Variants in LRRC3B observed in about 807,000 individuals in gnomAD.
LRRC3B encodes the protein leucine-rich repeat-containing protein 3B.
LRRC3B carries 2 observed loss-of-function variants against 12.8 expected under a neutral mutation model. That is an observed-to-expected ratio of 0.16 (90% CI 0.06 to 0.49). The LOEUF (loss-of-function observed/expected upper bound fraction) is 0.49. LRRC3B is among the 20% of genes least tolerant of loss of function. The probability of loss-of-function intolerance (pLI) is 0.96; values close to 1 mark genes in which losing one functional copy is unlikely to be tolerated. For synonymous variants in LRRC3B, 132 were observed against 122.0 expected (o/e 1.08, Z -0.54); for missense variants, 189 against 319.4 (o/e 0.59, Z 3.11).
At chr3:26,636,972 T>TTCTTTCTTTCTTTCTC (rs1559350466) in intron 1 of LRRC3B, among the ~76,000 whole-genome samples, 2 of 76,104 alleles carry the variant, frequency 2.6e-5, no homozygotes, top group African/African-American at 5.0e-5. Flanking sequence ...CTTTCTTTCT[T>TTCTTTCTTTCTTTCTC]TCTCTCTCTC....
chr3:26,653,166 C>T (rs1312757916), intron 1 of LRRC3B, among the ~76,000 whole-genome samples: 1 of 149,726 alleles, frequency 6.7e-6, no homozygotes, highest in Non-Finnish European at 1.5e-5. Context: ...ACAAAAATGA[C>T]TAAAAGACTG....
Position 26,685,515 on chromosome 3 carries a change from C to CTA in LRRC3B, c.-160-23997_-160-23996insAT, listed in dbSNP as rs1700062369. ...TCTCTCTCTCTCTCTCTCTCTCTCT[C>CTA]TCTCTCTCTATATATATATATATAT... On this transcript the variant is annotated intron_variant, in intron 1 of 1. Coordinates refer to ENST00000396641, the Ensembl canonical transcript of LRRC3B. Among the ~76,000 whole-genome samples the CTA allele has an allele frequency of 9.3e-5, 5 of 53,794 alleles. No homozygotes were observed. The Admixed American group carries it at 9.8e-4, about 10-fold the overall frequency. 35.3% of individuals were successfully genotyped at this position (53,794 alleles called of 152,430 possible). A position where few individuals can be genotyped will look rare whatever the true frequency, so the allele number is the denominator to read the frequency against.
Position 26,709,496 on chromosome 3 carries a change from G to C in LRRC3B, c.-160-17G>C. The C allele has an allele frequency of 1.6e-6, 1 of 639,776 alleles. No homozygotes were observed. Among genetic ancestry groups the C allele is most frequent in the Non-Finnish European group, 2.7e-6 (1 of 368,378 alleles). 39.6% of individuals were successfully genotyped at this position (639,776 alleles called of 1,614,324 possible). A position where few individuals can be genotyped will look rare whatever the true frequency, so the allele number is the denominator to read the frequency against. On this transcript the variant is annotated splice_polypyrimidine_tract_variant and intron_variant, in intron 1 of 1. Transcript: ENST00000396641. ...CTTTGCAAAGGAACTAATTGCATCT[G>C]TTTCTCTTTCCTTTAGGTGCCCAAG...
intron 1 of LRRC3B, among the ~76,000 whole-genome samples, chr3:26,635,782 C>T: frequency 6.6e-6 from 1 of 152,126 alleles, no homozygotes; most frequent in Non-Finnish European, 1.5e-5. Context: ...CTGTGTATAC[C>T]ACCAGCCTGG....
chr3:26,707,417 G>GTACTT lies in LRRC3B; in HGVS notation c.-160-2094_-160-2090dup, dbSNP rs1700625780. On this transcript the variant is annotated intron_variant, in intron 1 of 1. Transcript: ENST00000396641. ...AATAAAGCTGATATACAAACTCAGT[G>GTACTT]TACTTTTTATTTTTTTAATTGCTTA... Among the ~76,000 whole-genome samples the GTACTT allele has an allele frequency of 2.6e-5, 4 of 152,080 alleles. No homozygotes were observed. The South Asian group carries it at 8.3e-4, about 32-fold the overall frequency.
At position 26,636,820 on chromosome 3, in the gene LRRC3B, C is replaced by G. The variant is rs1421375741; in HGVS notation, c.-161+13583C>G. ...GTAGTCTTTCTTTCCCTCCCTCCCT[C>G]CCTCCCTCCCTCCCTCCCTGCCTCC... On this transcript the variant is annotated intron_variant, in intron 1 of 1. Coordinates refer to ENST00000396641, the Ensembl canonical transcript of LRRC3B. 1.4e-4 allele frequency among the ~76,000 whole-genome samples: 10 copies of G among 71,940 alleles called. 2 individuals carry two copies. Among genetic ancestry groups the G allele is most frequent in the African/African-American group, 7.3e-4 (9 of 12,298 alleles). The allele number at this position is 71,940 out of a possible 152,430, so 47.2% of individuals were successfully genotyped here.
intron 1 of LRRC3B, among the ~76,000 whole-genome samples, chr3:26,627,311 T>A (rs187570190): frequency 1.6e-3 from 237 of 152,232 alleles, no homozygotes; most frequent in Non-Finnish European, 2.8e-3. Context: ...GGAGGAGGGA[T>A]AGAAGAATCC....
chr3:26,638,310 G>T (rs189116290), intron 1 of LRRC3B, among the ~76,000 whole-genome samples: 33 of 152,152 alleles, frequency 2.2e-4, no homozygotes, highest in Admixed American at 1.9e-3. Context: ...AAAAAAAGTT[G>T]TGACTTTTAT....
chr3:26,635,157 AC>A (rs1366243965), intron 1 of LRRC3B, among the ~76,000 whole-genome samples: 2 of 152,028 alleles, frequency 1.3e-5, no homozygotes, highest in Non-Finnish European at 2.9e-5. Flanking sequence ...GCCTCAAGCC[AC>A]CTGGACCTCA....
At position 26,670,619 on chromosome 3, in the gene LRRC3B, CAAAG is replaced by C. The variant is rs369308883; in HGVS notation, c.-160-38890_-160-38887del. Among the ~76,000 whole-genome samples, 706 of 152,216 alleles carry C rather than the reference CAAAG, an allele frequency of 4.6e-3. 4 individuals carry two copies. The highest frequency in any genetic ancestry group is 0.017 in the African/African-American group (689 of 41,532). On this transcript the variant is annotated intron_variant, in intron 1 of 1. Coordinates refer to ENST00000396641, the Ensembl canonical transcript of LRRC3B. ...ATCAAGGGTTTTATTAAGCTGGAGG[CAAAG>C]AAACATTTGTTTCATTATTGTGGAA...
At chr3:26,647,895 A>G (rs993728482) in intron 1 of LRRC3B, among the ~76,000 whole-genome samples, 2 of 152,138 alleles carry the variant, frequency 1.3e-5, no homozygotes, top group Admixed American at 6.5e-5. Context: ...TCCCCGCGCC[A>G]AGCTTTGCTT....
chr3:26,663,270 G>A lies in LRRC3B; in HGVS notation c.-161+40033G>A, dbSNP rs115947624. 5.2e-3 allele frequency among the ~76,000 whole-genome samples: 791 copies of A among 152,182 alleles called. 8 individuals are homozygous for A. Among genetic ancestry groups the A allele is most frequent in the African/African-American group, 0.018 (758 of 41,524 alleles). ...GTTCATATAGTGATTTGGGGAATTC[G>A]TTTTGCAGCTTACTCTGTTGAAAGC... On this transcript the variant is annotated intron_variant, in intron 1 of 1. Transcript: ENST00000396641.
intron 1 of LRRC3B, among the ~76,000 whole-genome samples, chr3:26,653,079 A>G (rs1699297733): frequency 6.8e-6 from 1 of 147,540 alleles, no homozygotes; most frequent in South Asian, 2.1e-4. Flanking sequence ...TCAAAACCTT[A>G]GGCTGAGCTT....
chr3:26,643,849 G>A (rs946406539), intron 1 of LRRC3B, among the ~76,000 whole-genome samples: 5 of 152,044 alleles, frequency 3.3e-5, no homozygotes, highest in East Asian at 1.9e-4. Flanking sequence ...CAGTTTGGCC[G>A]GGCAACCTTG....
chr3:26,647,028 C>T (rs781207538), intron 1 of LRRC3B, among the ~76,000 whole-genome samples: 4 of 152,126 alleles, frequency 2.6e-5, no homozygotes, highest in Non-Finnish European at 5.9e-5. Flanking sequence ...CCATCCGCTC[C>T]CTCAGCTACA....
chr3:26,641,356 C>T (rs369127978), intron 1 of LRRC3B, among the ~76,000 whole-genome samples: 2 of 152,268 alleles, frequency 1.3e-5, no homozygotes, highest in African/African-American at 4.8e-5. Context: ...CCCACCTGTG[C>T]TCTCCCTAAC....
chr3:26,644,933 TATACAC>T (rs1399932157), intron 1 of LRRC3B, among the ~76,000 whole-genome samples: 1 of 152,094 alleles, frequency 6.6e-6, no homozygotes, highest in Non-Finnish European at 1.5e-5. Flanking sequence ...AATATACAAA[TATACAC>T]ATATACATAT....
intron 1 of LRRC3B, among the ~76,000 whole-genome samples, chr3:26,634,680 C>G (rs1232081212): frequency 2.0e-5 from 3 of 152,184 alleles, no homozygotes; most frequent in Admixed American, 2.0e-4. Context: ...TCTGCACTTG[C>G]ATTTGCGTAA....
chr3:26,692,117 A>G (rs1332969181), intron 1 of LRRC3B, among the ~76,000 whole-genome samples: 1 of 152,186 alleles, frequency 6.6e-6, no homozygotes, highest in East Asian at 1.9e-4. Context: ...AGAAATAGCT[A>G]ATATTTATTT....
Sources: allele counts gnomAD v4.1 joint callset (sites outside exome capture counted in the v4.1 genomes callset), GRCh38; gene constraint gnomAD v4.1.1; transcripts MANE v1.5; gene names NCBI Gene and HGNC (gene_info 2026-07-23, HGNC 2026-07-21).